The following CACNA1E variants were observed in gnomAD, a reference collection of about 807,000 sequenced individuals.
CACNA1E encodes voltage-dependent R-type calcium channel subunit alpha-1E.
In CACNA1E, 40 loss-of-function variants were observed where a neutral mutation model predicts 259.2. The observed-to-expected ratio is 0.15, with a 90% CI of 0.12 to 0.20. The LOEUF (loss-of-function observed/expected upper bound fraction) is 0.20. CACNA1E is among the 10% of genes least tolerant of loss of function. The pLI, the probability that CACNA1E is intolerant of heterozygous loss-of-function variation, is 1.00. For synonymous variants in CACNA1E, 1,104 were observed against 1,138.5 expected (o/e 0.97, Z 0.61); for missense variants, 1,874 against 3,040.1 (o/e 0.62, Z 9.02).
At chr1:181,406,755 G>A (rs1657493665) in intron 1 of CACNA1E, among the ~76,000 whole-genome samples, 1 of 152,136 alleles carries the variant, frequency 6.6e-6, no homozygotes, top group African/African-American at 2.4e-5. Flanking sequence ...ATTTGCCGAG[G>A]GATTCAGTTG....
In CACNA1E at chr1:181,756,958, A is replaced by G. The variant is rs1409946040; in HGVS notation, c.4161A>G (p.Glu1387=). The G allele has an allele frequency of 6.2e-7, 1 of 1,613,866 alleles. No individual in the cohort carries two copies. Among genetic ancestry groups the G allele is most frequent in the African/African-American group, 1.3e-5 (1 of 75,062 alleles). ...AGCACTCTGTAGATGTGACAGAGGA[A>G]GACCGAGGCCCAAGCCGCAGCAACC... is the stretch of plus-strand genomic sequence containing the variant. ...VLQHSVDVTE[E]DRGPSRSNRM... is the part of the protein sequence containing the mutation. Residue 1387 remains glutamate (E), a synonymous_variant, in exon 30 of 48, where the codon GAA becomes GAG. Transcript: ENST00000367573.
At chr1:181,786,602 A>G (rs1453041824) in intron 43 of CACNA1E, among the ~76,000 whole-genome samples, 1 of 152,230 alleles carries the variant, frequency 6.6e-6, no homozygotes, top group Non-Finnish European at 1.5e-5. Context: ...TGCCCCAATT[A>G]ATCTACTATA....
intron 2 of CACNA1E, among the ~76,000 whole-genome samples, chr1:181,473,309 G>T (rs1186107276): frequency 6.6e-6 from 1 of 152,144 alleles, no homozygotes; most frequent in Non-Finnish European, 1.5e-5. Context: ...GCCATTCATT[G>T]AAAAACAAGT....
intron 1 of CACNA1E, among the ~76,000 whole-genome samples, chr1:181,372,828 A>ATATTTT (rs1491221060): frequency 1.7e-4 from 17 of 101,640 alleles, no homozygotes; most frequent in Admixed American, 7.1e-4. Context: ...ATATATATAT[A>ATATTTT]TTTTTTTTTT....
At chr1:181,595,837 T>C (rs1378625827) in intron 6 of CACNA1E, among the ~76,000 whole-genome samples, 2 of 152,154 alleles carry the variant, frequency 1.3e-5, no homozygotes, top group African/African-American at 4.8e-5. Flanking sequence ...CACTTGGCGC[T>C]ACTATAGGCA....
chr1:181,729,427 A>G (rs1176567945), intron 18 of CACNA1E, among the ~76,000 whole-genome samples: 1 of 152,262 alleles, frequency 6.6e-6, no homozygotes, highest in Non-Finnish European at 1.5e-5. Flanking sequence ...ATTTCCGACT[A>G]CACTTTAAGT....
chr1:181,718,199 C>A, intron 12 of CACNA1E, 32 bp downstream of exon 12: 1 of 1,128,216 alleles, frequency 8.9e-7, no homozygotes, highest in Non-Finnish European at 1.3e-6. Context: ...TCTGCTCCTG[C>A]TTCGTGTTGA....
At chr1:181,510,330 T>A (rs1666060502) in intron 1 of CACNA1E, 147 bp from the exon 2 acceptor site, 2 of 642,834 alleles carry the variant, frequency 3.1e-6, no homozygotes, top group East Asian at 5.6e-5. Context: ...CCATCCACTG[T>A]CTTGCCTGCC....
At chr1:181,577,305 G>C (rs1430952768) in intron 3 of CACNA1E, among the ~76,000 whole-genome samples, 3 of 152,190 alleles carry the variant, frequency 2.0e-5, no homozygotes, top group Non-Finnish European at 4.4e-5. Flanking sequence ...TTCTGTCAAG[G>C]TAGAGATGAG....
chr1:181,384,436 T>C (rs6681019), intron 1 of CACNA1E, among the ~76,000 whole-genome samples: 5,455 of 152,226 alleles, frequency 0.036, 334 homozygotes, highest in African/African-American at 0.12. Flanking sequence ...CCCTATTTTA[T>C]TGGGGAAAAA....
rs1221504456 is a variant in CACNA1E at position 181,737,547 on chromosome 1, A to G, written c.3445A>G (p.Ile1149Val). The change falls in exon 23 of 48, where the codon ATC becomes GTC. Residue 1149 changes from isoleucine (I) to valine (V), a missense_variant. This residue lies in a region of CACNA1E where 56 missense variants were observed against 97.4 expected (regional missense o/e 0.57). Transcript: ENST00000367573. ...CAGGATCCGGAGGGCCTGCCACTACATCGTGAACCTGCGCTACTTTGAGAT... is the reference window on the plus strand; with the variant it reads ...CAGGATCCGGAGGGCCTGCCACTACGTCGTGAACCTGCGCTACTTTGAGAT... ...TNPIRRACHY[I>V]VNLRYFEMCI... 11 of 1,613,860 alleles carry G rather than the reference A, an allele frequency of 6.8e-6. No individual in the cohort carries two copies. The highest frequency in any genetic ancestry group is 8.5e-6 in the Non-Finnish European group (10 of 1,179,860).
At position 181,771,425 on chromosome 1, in the gene CACNA1E, T is replaced by C. The variant is rs139243614; in HGVS notation, c.4973+41T>C. 3.5e-4 allele frequency: 366 copies of C among 1,058,962 alleles called. 2 individuals carry two copies. The African/African-American group carries it at 4.3e-3, about 12-fold the overall frequency. 65.6% of individuals were successfully genotyped at this position (1,058,962 alleles called of 1,614,324 possible). On this transcript the variant is annotated intron_variant, in intron 36 of 47. Coordinates refer to ENST00000367573, the MANE Select transcript of CACNA1E (RefSeq NM_001205293.3). ...ACTGTCATAGCTGGGGTTCTCCTGA[T>C]GGAGGGAGAGAGAGTTTGTCTGCCT...
chr1:181,583,589 C>T (rs1457372702), intron 6 of CACNA1E, among the ~76,000 whole-genome samples: 2 of 152,166 alleles, frequency 1.3e-5, no homozygotes, highest in African/African-American at 4.8e-5. Flanking sequence ...CTCATGTTTG[C>T]CTCCCTTTTC....
chr1:181,572,187 G>C (rs1268273821), intron 3 of CACNA1E, among the ~76,000 whole-genome samples: 1 of 152,144 alleles, frequency 6.6e-6, no homozygotes. Context: ...TTGACAAGGA[G>C]GCTAGGAAAG....
At chr1:181,543,184 A>G (rs1185703041) in intron 3 of CACNA1E, among the ~76,000 whole-genome samples, 3 of 152,046 alleles carry the variant, frequency 2.0e-5, no homozygotes, top group Admixed American at 6.6e-5. Context: ...CTGTGTTTCT[A>G]ATTCAGATAA....
chr1:181,516,555 C>T (rs1417785719), intron 3 of CACNA1E, among the ~76,000 whole-genome samples: 1 of 152,160 alleles, frequency 6.6e-6, no homozygotes. Context: ...TTGCCTTTAG[C>T]ACCTGGGCAC....
chr1:181,799,489 AG>A lies in CACNA1E; in HGVS notation c.*656del, dbSNP rs1489434339. 1 of 152,808 alleles carries A rather than the reference AG, an allele frequency of 6.5e-6. No individual in the cohort carries two copies. The highest frequency in any genetic ancestry group is 1.5e-5 in the Non-Finnish European group (1 of 68,160). 9.5% of individuals were successfully genotyped at this position (152,808 alleles called of 1,614,324 possible). ...TGGACAAGAAAAGCCATAGCCCGGC[AG>A]CCCCTACCATGAGGGAGACAGAGAA... On this transcript the variant is annotated 3_prime_UTR_variant, in exon 48 of 48. Transcript: ENST00000367573.
chr1:181,444,115 C>T (rs1660659107), intron 2 of CACNA1E, among the ~76,000 whole-genome samples: 1 of 152,128 alleles, frequency 6.6e-6, no homozygotes, highest in Non-Finnish European at 1.5e-5. Flanking sequence ...GCTTTGATCC[C>T]TTGGTATCTC....
chr1:181,535,706 G>A (rs1362757865), intron 3 of CACNA1E, among the ~76,000 whole-genome samples: 1 of 120,022 alleles, frequency 8.3e-6, no homozygotes. Flanking sequence ...TTTTTTTTTC[G>A]AGACAGATTC....
Sources: allele counts gnomAD v4.1 joint callset (sites outside exome capture counted in the v4.1 genomes callset), GRCh38; gene constraint gnomAD v4.1.1; regional missense constraint gnomAD v4.1.1; transcripts MANE v1.5; gene names NCBI Gene and HGNC (gene_info 2026-07-23, HGNC 2026-07-21).